CHD2: variants seen among roughly 807,000 people sequenced by gnomAD.
The protein encoded by CHD2 is chromodomain helicase DNA binding protein 2.
Under a neutral mutation model 243.9 loss-of-function variants are expected in CHD2, and 28 were observed. That is an observed-to-expected ratio of 0.11 (90% CI 0.09 to 0.16). The LOEUF is 0.16. CHD2 is among the 10% of genes least tolerant of loss of function. The pLI is 1.00. For synonymous variants in CHD2, 775 were observed against 779.0 expected (o/e 0.99, Z 0.09); for missense variants, 1,386 against 2,209.8 (o/e 0.63, Z 7.47).
chr15:92,953,315 A>G (rs1329501316), intron 13 of CHD2, 42 bp from the exon 14 acceptor site: 1 of 1,546,496 alleles, frequency 6.5e-7, no homozygotes, highest in Admixed American at 1.7e-5. Context: ...GTTTTGGTGA[A>G]CTAATGATTT....
chr15:92,961,983 GT>G (rs1385869013), intron 16 of CHD2, among the ~76,000 whole-genome samples: 2 of 137,612 alleles, frequency 1.5e-5, no homozygotes, highest in African/African-American at 5.3e-5. Flanking sequence ...CCAGTTTCAA[GT>G]GATTATCCTG....
chr15:92,990,744 T>C (rs1217342161), intron 26 of CHD2, among the ~76,000 whole-genome samples: 2 of 152,230 alleles, frequency 1.3e-5, no homozygotes, highest in Non-Finnish European at 2.9e-5. Flanking sequence ...ATAACCCAAT[T>C]ATCATAGTAA....
intron 16 of CHD2, among the ~76,000 whole-genome samples, chr15:92,963,479 G>T (rs2053716179): frequency 1.3e-5 from 2 of 152,086 alleles, no homozygotes; most frequent in South Asian, 2.1e-4. Flanking sequence ...AGAATACAAG[G>T]AAATAATTAT....
intron 7 of CHD2, among the ~76,000 whole-genome samples, chr15:92,940,446 C>G (rs2053341759): frequency 1.3e-5 from 2 of 151,242 alleles, no homozygotes; most frequent in Admixed American, 6.6e-5. Context: ...GATCCTGTCT[C>G]AAAAAGAAAA....
At chr15:92,996,116 C>T (rs2054183899) in intron 28 of CHD2, among the ~76,000 whole-genome samples, 1 of 149,602 alleles carries the variant, frequency 6.7e-6, no homozygotes. Flanking sequence ...TTCATTTTTA[C>T]TTCTGTGATC....
rs965308764 is a variant in CHD2, at chr15:93,000,690, T to C, written c.4137+50T>C. ...GGTTATTTATTTATTTTAGCTATAC[T>C]TATCATGCCAGCTGGAATAAAATCA... On this transcript the variant is annotated intron_variant, in intron 32 of 38. Transcript: ENST00000394196. The C allele has an allele frequency of 2.6e-6, 4 of 1,546,740 alleles. No individual in the cohort carries two copies. The African/African-American group carries it at 4.1e-5, about 16-fold the overall frequency.
At chr15:93,007,339 G>A (rs761540902) in intron 34 of CHD2, among the ~76,000 whole-genome samples, 2 of 152,178 alleles carry the variant, frequency 1.3e-5, no homozygotes, top group Non-Finnish European at 2.9e-5. Context: ...TGCCTATTCA[G>A]TTATTCAAAA....
chr15:92,914,455 GT>G (rs2052797451), intron 2 of CHD2, among the ~76,000 whole-genome samples: 1 of 152,202 alleles, frequency 6.6e-6, no homozygotes, highest in East Asian at 1.9e-4. Context: ...GGTGCTAATA[GT>G]TTGGTGCTAT....
chr15:92,915,557 C>T (rs886515380), intron 2 of CHD2, among the ~76,000 whole-genome samples: 2 of 152,162 alleles, frequency 1.3e-5, no homozygotes, highest in Non-Finnish European at 2.9e-5. Flanking sequence ...AGGCGTGAGC[C>T]ACCACGCCCG....
chr15:92,934,536 C>A (rs1051755547), intron 5 of CHD2, among the ~76,000 whole-genome samples: 1 of 152,182 alleles, frequency 6.6e-6, no homozygotes, highest in East Asian at 1.9e-4. Context: ...GACTGACTTA[C>A]AATGTATGGC....
intron 15 of CHD2, among the ~76,000 whole-genome samples, chr15:92,956,044 A>G (rs1016999808): frequency 6.6e-6 from 1 of 152,198 alleles, no homozygotes; most frequent in African/African-American, 2.4e-5. Context: ...TCCCATTGGT[A>G]TTAAGTGCAA....
chr15:92,997,157 G>C lies in CHD2; in HGVS notation c.3734+62G>C. The C allele has an allele frequency of 6.2e-7, 1 of 1,604,090 alleles. No homozygotes were observed. Among genetic ancestry groups the C allele is most frequent in the Admixed American group, 1.7e-5 (1 of 57,988 alleles). Reference sequence around the variant, plus strand: ...CCGTAAGAAAATAGATTTGAAGTTAGACTTTGTGTAGTTCCATAGTATTTT... The same window carrying C: ...CCGTAAGAAAATAGATTTGAAGTTACACTTTGTGTAGTTCCATAGTATTTT... On this transcript the variant is annotated intron_variant, in intron 29 of 38. Coordinates refer to ENST00000394196, the MANE Select transcript of CHD2 (RefSeq NM_001271.4). This position sits in a 1 kb window ranked among gnomAD's most constrained non-coding sequence, Gnocchi z 4.1.
chr15:92,901,303 T>G lies in CHD2; in HGVS notation c.62+4T>G. The G allele has an allele frequency of 3.1e-6, 5 of 1,593,460 alleles. No homozygotes were observed. The highest frequency in any genetic ancestry group is 4.3e-6 in the Non-Finnish European group (5 of 1,162,432). On this transcript the variant is annotated splice_donor_region_variant and intron_variant, in intron 2 of 38. Transcript: ENST00000394196. ...CGCTACACAGCAATGCATCGAGGTATGAGCTATCAACTTTCTTCCTTTTTG... is the reference window on the plus strand; with the variant it reads ...CGCTACACAGCAATGCATCGAGGTAGGAGCTATCAACTTTCTTCCTTTTTG...
At position 93,000,599 on chromosome 15, in the gene CHD2, C is replaced by G; in HGVS notation, c.4096C>G (p.Pro1366Ala). The change falls in exon 32 of 39, where the codon CCT (proline) becomes GCT (alanine). Residue 1366 changes from proline to alanine, a missense_variant. Pro to Ala is a conservative substitution (Grantham distance 27). Coordinates refer to ENST00000394196, the MANE Select transcript of CHD2 (RefSeq NM_001271.4). ...GGAGCATGGAATTGAGCTTTCATCT[C>G]CTAGGCATTCAGATAATCCATCAGA... ...KEEHGIELSS[P>A]RHSDNPSEEG... 1 of 1,613,460 alleles carries G rather than the reference C, an allele frequency of 6.2e-7. No homozygotes were observed. The highest frequency in any genetic ancestry group is 8.5e-7 in the Non-Finnish European group (1 of 1,179,582).
In CHD2 at chr15:92,998,371, G is replaced by A. The variant is rs1462313318; in HGVS notation, c.3886-128G>A. On this transcript the variant is annotated intron_variant, in intron 30 of 38. Coordinates refer to ENST00000394196, the MANE Select transcript of CHD2 (RefSeq NM_001271.4). The surrounding 1 kb of genome is among the most constrained non-coding windows in gnomAD (Gnocchi z 5.1). Reference sequence around the variant, plus strand: ...CCATGGACATGAGATAGGATCTGAGGCTTTATCTATATTTTGGGTGGTTGG... The same window carrying A: ...CCATGGACATGAGATAGGATCTGAGACTTTATCTATATTTTGGGTGGTTGG... 1 of 1,453,128 alleles carries A rather than the reference G, an allele frequency of 6.9e-7. No homozygotes were observed. The highest frequency in any genetic ancestry group is 9.3e-7 in the Non-Finnish European group (1 of 1,075,688). The allele number at this position is 1,453,128 out of a possible 1,614,324, so 90.0% of individuals were successfully genotyped here. A position where few individuals can be genotyped will look rare whatever the true frequency, so the allele number is the denominator to read the frequency against.
In CHD2 at chr15:92,998,710, A is replaced by T. The variant is rs2054214253; in HGVS notation, c.4008+89A>T. 6.8e-7 allele frequency: 1 copy of T among 1,472,614 alleles called. No homozygotes were observed. Among genetic ancestry groups the T allele is most frequent in the African/African-American group, 1.4e-5 (1 of 70,844 alleles). The allele number at this position is 1,472,614 out of a possible 1,614,324, so 91.2% of individuals were successfully genotyped here. ...AGGAAGAGAGAGGCCCTCTCTGAGC[A>T]CTGCACAGAATGTCACCTTCTCATG... On this transcript the variant is annotated intron_variant, in intron 31 of 38. Transcript: ENST00000394196. This position sits in a 1 kb window ranked among gnomAD's most constrained non-coding sequence, Gnocchi z 5.1.
intron 8 of CHD2, 103 bp downstream of exon 8, chr15:92,942,058 T>C (rs999622713): frequency 2.2e-5 from 24 of 1,100,598 alleles, no homozygotes; most frequent in Middle Eastern, 2.8e-4. Flanking sequence ...TACTGCTGTA[T>C]TTGTTGTGAT....
chr15:93,008,347 T>C (rs957669372), intron 34 of CHD2, among the ~76,000 whole-genome samples: 2 of 152,222 alleles, frequency 1.3e-5, no homozygotes, highest in African/African-American at 4.8e-5. Context: ...AATAAGTCTT[T>C]ATATTTGCTG....
intron 12 of CHD2, among the ~76,000 whole-genome samples, chr15:92,947,933 T>C (rs1318530353): frequency 6.6e-6 from 1 of 152,230 alleles, no homozygotes; most frequent in African/African-American, 2.4e-5. Context: ...AAAAAGACTT[T>C]TTGGCCATGT....
Sources: gnomAD v4.1 joint callset for allele counts (sites outside exome capture counted in the v4.1 genomes callset) on GRCh38, gnomAD v4.1.1 for gene constraint, Gnocchi (gnomAD v3.1) non-coding constraint, MANE v1.5 for transcripts, NCBI Gene and HGNC (gene_info 2026-07-23, HGNC 2026-07-21) for gene names.